The following PHF6 variants were observed in gnomAD, a reference collection of about 807,000 sequenced individuals.
PHF6 encodes the protein PHD finger protein 6.
A neutral mutation model predicts 34.0 loss-of-function variants in PHF6; 7 were observed. The observed-to-expected ratio is 0.21, with a 90% CI of 0.12 to 0.39. The LOEUF (loss-of-function observed/expected upper bound fraction) is 0.39. Ranked by LOEUF, PHF6 falls within the 10% of genes least tolerant of loss-of-function variation. The pLI, the probability that PHF6 is intolerant of heterozygous loss-of-function variation, is 1.00. For missense variants in PHF6, 128 were observed against 262.8 expected (o/e 0.49, Z 3.55); for synonymous variants, 89 against 88.4 (o/e 1.01, Z -0.04).
chrX:134,415,128 G>C lies in PHF6; in HGVS notation c.834+8G>C, dbSNP rs1252506567. 8.3e-7 allele frequency: 1 copy of C among 1,205,285 alleles called. No homozygotes were observed. The highest frequency in any genetic ancestry group is 1.1e-6 in the Non-Finnish European group (1 of 891,583). ...AAACGAGGAAAAAGAATGGTCTGTA[G>C]TTTTTATATTTGTTATGCAACATTA... On this transcript the variant is annotated splice_region_variant and intron_variant, in intron 8 of 10. Coordinates refer to ENST00000370803, the MANE Select transcript of PHF6 (RefSeq NM_001015877.2).
intron 5 of PHF6, among the ~76,000 whole-genome samples, chrX:134,398,146 A>G (rs1178966079): frequency 1.8e-5 from 2 of 111,925 alleles, no homozygotes; most frequent in Non-Finnish European, 3.8e-5. Flanking sequence ...TAATCCCAGC[A>G]TTTTGGGAGG....
intron 3 of PHF6, 86 bp from the exon 4 acceptor site, chrX:134,393,415 C>A: frequency 9.8e-7 from 1 of 1,023,229 alleles, no homozygotes; most frequent in Non-Finnish European, 1.3e-6. Context: ...ATTTGTTTTC[C>A]TTGACAGAAA....
chrX:134,418,601 C>CTAA (rs2077480376), intron 9 of PHF6: 1 of 111,336 alleles, frequency 9.0e-6, no homozygotes, highest in African/African-American at 3.3e-5. Context: ...CTACATAAGG[C>CTAA]GCTATGCTGT....
chrX:134,400,390 C>CTTT (rs59456723), intron 5 of PHF6, among the ~76,000 whole-genome samples: 1 of 79,868 alleles, frequency 1.3e-5, no homozygotes, highest in Non-Finnish European at 2.4e-5. Context: ...CAGCCTTTGC[C>CTTT]TTTTTTTTTT....
chrX:134,396,874 T>C (rs1419531434), intron 5 of PHF6, among the ~76,000 whole-genome samples: 5 of 102,640 alleles, frequency 4.9e-5, no homozygotes, highest in Non-Finnish European at 1.0e-4. Context: ...CTTTTAAGAA[T>C]TGTACTGCAC....
intron 3 of PHF6, among the ~76,000 whole-genome samples, chrX:134,388,090 T>C (rs1200701921): frequency 8.9e-6 from 1 of 111,820 alleles, no homozygotes; most frequent in Non-Finnish European, 1.9e-5. Context: ...TTTTAACACA[T>C]AAATTTAACA....
intron 1 of PHF6, among the ~76,000 whole-genome samples, chrX:134,377,360 A>G (rs1459790009): frequency 2.7e-5 from 3 of 112,083 alleles, no homozygotes; most frequent in Non-Finnish European, 5.6e-5. Context: ...ATGAGTATGT[A>G]TAAACTGATT....
intron 1 of PHF6, among the ~76,000 whole-genome samples, chrX:134,375,982 G>C (rs2077276738): frequency 9.0e-6 from 1 of 111,608 alleles, no homozygotes; most frequent in African/African-American, 3.3e-5. Context: ...CTATGGTAAA[G>C]TATCCGTTGT....
intron 5 of PHF6, among the ~76,000 whole-genome samples, chrX:134,410,741 G>T (rs1265497097): frequency 9.4e-6 from 1 of 106,917 alleles, no homozygotes; most frequent in Admixed American, 1.0e-4. Context: ...TCTGCCTCCC[G>T]AGTTCAAGTG....
At chrX:134,423,677 T>A (rs1007964580) in intron 9 of PHF6, among the ~76,000 whole-genome samples, 3 of 112,029 alleles carry the variant, frequency 2.7e-5, no homozygotes, top group African/African-American at 9.7e-5. Flanking sequence ...TCAGTTGTTA[T>A]TGTTGTCCAC....
At position 134,409,327 on chromosome X, in the gene PHF6, G is replaced by T. The variant is rs770858701; in HGVS notation, c.419-4164G>T. 9.9e-5 allele frequency among the ~76,000 whole-genome samples: 11 copies of T among 111,446 alleles called. No homozygotes were observed. In the South Asian group the frequency reaches 3.8e-3, roughly 38 times the overall value. On this transcript the variant is annotated intron_variant, in intron 5 of 10. Coordinates refer to ENST00000370803, the MANE Select transcript of PHF6 (RefSeq NM_001015877.2). ...TCATATTTTCAATTTTCATGTGCAC[G>T]TGGGTCTGTTTTCAAACTTGGAGAT...
chrX:134,394,028 A>C, intron 5 of PHF6, 76 bp downstream of exon 5: 1 of 931,103 alleles, frequency 1.1e-6, no homozygotes, highest in Non-Finnish European at 1.6e-6. Flanking sequence ...GAATTATACT[A>C]TATTAATTTT....
At position 134,428,638 on chromosome X, in the gene PHF6, T is replaced by A. The variant is rs1450211425; in HGVS notation, c.*2978T>A. 1.4e-5 allele frequency: 2 copies of A among 147,447 alleles called. No homozygotes were observed. Among genetic ancestry groups the A allele is most frequent in the Admixed American group, 8.6e-5 (1 of 11,614 alleles). The allele number at this position is 147,447 out of a possible 1,213,427, so 12.2% of individuals were successfully genotyped here. ...TTAATTGTAAAGATAAGGAATGCAT[T>A]ATGGGTCAAAAATCAAACATTCCTC... On this transcript the variant is annotated 3_prime_UTR_variant, in exon 11 of 11. Transcript: ENST00000370803.
rs183324667 is a variant in PHF6 at position 134,381,392 on chromosome X, A to G, written c.240+3286A>G. ...TTCCCTGTGTCAATTTGTCTAAGCA[A>G]TAAAAGGGCTATGAATCAAATAGGA... On this transcript the variant is annotated intron_variant, in intron 3 of 10. Transcript: ENST00000370803. Among the ~76,000 whole-genome samples the G allele has an allele frequency of 6.3e-3, 698 of 111,583 alleles. 5 individuals are homozygous for G. The highest frequency in any genetic ancestry group is 0.022 in the African/African-American group (666 of 30,693).
chrX:134,406,946 C>T (rs987105435), intron 5 of PHF6, among the ~76,000 whole-genome samples: 2 of 112,108 alleles, frequency 1.8e-5, no homozygotes, highest in Non-Finnish European at 3.8e-5. Context: ...TGTATCCTTC[C>T]AGACCAATTA....
intron 5 of PHF6, among the ~76,000 whole-genome samples, chrX:134,405,639 C>T (rs183083593): frequency 1.1e-4 from 12 of 111,022 alleles, no homozygotes; most frequent in East Asian, 2.8e-4. Context: ...AACAGCATAA[C>T]GTTTCATCTT....
intron 8 of PHF6, among the ~76,000 whole-genome samples, chrX:134,416,844 C>T (rs1287124370): frequency 9.0e-6 from 1 of 111,626 alleles, no homozygotes; most frequent in East Asian, 2.8e-4. Context: ...AGGATCTGAT[C>T]TTAGGGAAGA....
chrX:134,415,971 T>C (rs898131346), intron 8 of PHF6, among the ~76,000 whole-genome samples: 2 of 110,696 alleles, frequency 1.8e-5, no homozygotes, highest in Non-Finnish European at 3.8e-5. Context: ...TATTTTTTTA[T>C]TTTTTTGAGA....
intron 3 of PHF6, among the ~76,000 whole-genome samples, chrX:134,385,630 G>A (rs1033943518): frequency 1.8e-5 from 2 of 112,170 alleles, no homozygotes; most frequent in Admixed American, 9.5e-5. Context: ...AAGTCATGGC[G>A]TAGCACAAAA....
Sources: allele counts gnomAD v4.1 joint callset (sites outside exome capture counted in the v4.1 genomes callset), GRCh38; gene constraint gnomAD v4.1.1; transcripts MANE v1.5; gene names NCBI Gene and HGNC (gene_info 2026-07-23, HGNC 2026-07-21).